TMF1: variants seen among roughly 807,000 people sequenced by gnomAD.
The protein encoded by TMF1 is TATA element modulatory factor.
In TMF1, 71 loss-of-function variants were observed where a neutral mutation model predicts 126.5. The ratio of observed to expected loss-of-function variants is 0.56; its 90% CI spans 0.46 to 0.68. The LOEUF (loss-of-function observed/expected upper bound fraction) is 0.68. Among genes scored for constraint, TMF1 ranks in the 30% least tolerant of loss-of-function variants. The pLI, the probability that TMF1 is intolerant of heterozygous loss-of-function variation, is 0.00. For synonymous variants in TMF1, 461 were observed against 430.5 expected (o/e 1.07, Z -0.88); for missense variants, 1,259 against 1,253.2 (o/e 1.00, Z -0.07).
intron 5 of TMF1, chr3:69,042,468 A>G: frequency 2.1e-6 from 1 of 477,786 alleles, no homozygotes; most frequent in South Asian, 1.6e-5. Flanking sequence ...GTATTCAGAT[A>G]TTACATAAAT....
Position 69,049,218 on chromosome 3 carries a change from T to G in TMF1, c.143-656A>C, listed in dbSNP as rs115614766. The stretch of plus-strand genomic sequence containing the variant: ...AGACCCCTGTCCCTACAAAAAAATT[T>G]TTTTAATTAGCTGGGCCTGGTGGCC... On this transcript the variant is annotated intron_variant, in intron 1 of 16. Transcript: ENST00000398559. 7.4e-4 allele frequency among the ~76,000 whole-genome samples: 112 copies of G among 152,198 alleles called. 2 individuals carry two copies. Among genetic ancestry groups the G allele is most frequent in the African/African-American group, 2.5e-3 (102 of 41,518 alleles).
chr3:69,028,303 AC>A lies in TMF1; in HGVS notation c.2595-9del. ...TCCAATTCAACCTGGTACCTATTAA[AC>A]AAGGCAGAATTTAAAAAAACAGAAA... On this transcript the variant is annotated splice_polypyrimidine_tract_variant and intron_variant, in intron 11 of 16. Coordinates refer to ENST00000398559, the MANE Select transcript of TMF1 (RefSeq NM_007114.3). 1 of 1,597,858 alleles carries A rather than the reference AC, an allele frequency of 6.3e-7. No individual in the cohort carries two copies. Among genetic ancestry groups the A allele is most frequent in the Non-Finnish European group, 8.6e-7 (1 of 1,166,596 alleles).
At chr3:69,040,007 C>G (rs2091854809) in intron 5 of TMF1, among the ~76,000 whole-genome samples, 1 of 152,204 alleles carries the variant, frequency 6.6e-6, no homozygotes, top group Non-Finnish European at 1.5e-5. Flanking sequence ...AATTGTAGTA[C>G]AGCCTGACAA....
rs1322656037 is a variant in TMF1, at chr3:69,020,323, A to G, written c.*2854T>C. ...GTACATTCCACATGCTAAACACTGT[A>G]CAACTGGCAATTCTCAAAAAATAGG... is the stretch of plus-strand genomic sequence containing the variant. On this transcript the variant is annotated 3_prime_UTR_variant, in exon 17 of 17. Transcript: ENST00000398559. 6.6e-6 allele frequency: 1 copy of G among 152,214 alleles called. No individual in the cohort carries two copies. The highest frequency in any genetic ancestry group is 1.5e-5 in the Non-Finnish European group (1 of 68,018). 9.4% of individuals were successfully genotyped at this position (152,214 alleles called of 1,614,324 possible). A position where few individuals can be genotyped will look rare whatever the true frequency, so the allele number is the denominator to read the frequency against.
In TMF1 at chr3:69,047,663, A is replaced by C. The variant is rs1335865056; in HGVS notation, c.1042T>G (p.Leu348Val). The change falls in exon 2 of 17, where the codon TTG becomes GTG. Residue 348 changes from leucine (L) to valine (V), a missense_variant. Transcript: ENST00000398559. ...ACTAAAGCATATCCCTTGCCTGACA[A>C]TTCATCATCTGAATTGATTTCACTT... ...SVSEINSDDE[L>V]SGKGYALVPI... 6.2e-7 allele frequency: 1 copy of C among 1,614,150 alleles called. No individual in the cohort carries two copies. The highest frequency in any genetic ancestry group is 1.3e-5 in the African/African-American group (1 of 75,056).
In TMF1 at chr3:69,027,922, G is replaced by A; in HGVS notation, c.2735C>T (p.Thr912Ile). The change falls in exon 13 of 17, where the codon ACT (threonine) becomes ATT (isoleucine). Residue 912 changes from threonine to isoleucine, a missense_variant. Coordinates refer to ENST00000398559, the MANE Select transcript of TMF1 (RefSeq NM_007114.3). Reference protein sequence around the residue: ...VEQERKKAIFTQETIKEKERK... With the variant: ...VEQERKKAIFIQETIKEKERK... ...TACCTTTTCTTTTATTGTTTCTTGA[G>A]TAAAAATGGCTTTCTTCCTTTCTTG... The A allele has an allele frequency of 1.3e-6, 2 of 1,579,826 alleles. No individual in the cohort carries two copies. Among genetic ancestry groups the A allele is most frequent in the Admixed American group, 1.7e-5 (1 of 58,620 alleles).
intron 1 of TMF1, among the ~76,000 whole-genome samples, chr3:69,050,030 C>T (rs191961774): frequency 3.9e-5 from 6 of 152,036 alleles, no homozygotes; most frequent in Non-Finnish European, 7.4e-5. Context: ...GAGGCCGAGG[C>T]GGGCGGACCA....
Position 69,051,632 on chromosome 3 carries a change from T to C in TMF1, c.142+313A>G, listed in dbSNP as rs112888785. On this transcript the variant is annotated intron_variant, in intron 1 of 16. Transcript: ENST00000398559. Reference sequence around the variant, plus strand: ...AATTCGAGGTTCAGGTTCGGGAAGGTTGTGCTTGGAAGCTGCGTCGAGGGA... The same window carrying C: ...AATTCGAGGTTCAGGTTCGGGAAGGCTGTGCTTGGAAGCTGCGTCGAGGGA... 1.0e-3 allele frequency among the ~76,000 whole-genome samples: 154 copies of C among 151,876 alleles called. 2 individuals carry two copies. Among genetic ancestry groups the C allele is most frequent in the African/African-American group, 3.5e-3 (145 of 41,400 alleles).
chr3:69,032,835 T>A (rs915198367), intron 10 of TMF1, among the ~76,000 whole-genome samples: 3 of 152,038 alleles, frequency 2.0e-5, no homozygotes, highest in African/African-American at 7.2e-5. Context: ...GGTCTTGAAC[T>A]CCTGGCGTCA....
chr3:69,027,438 G>A (rs945017966), intron 13 of TMF1, among the ~76,000 whole-genome samples: 11 of 152,058 alleles, frequency 7.2e-5, no homozygotes, highest in African/African-American at 2.2e-4. Flanking sequence ...AGGGCAAGAG[G>A]TTTTATATTT....
At position 69,051,984 on chromosome 3, in the gene TMF1, G is replaced by C; in HGVS notation, c.103C>G (p.Pro35Ala). The C allele has an allele frequency of 3.7e-6, 6 of 1,613,960 alleles. No individual in the cohort carries two copies. The highest frequency in any genetic ancestry group is 5.1e-6 in the Non-Finnish European group (6 of 1,179,938). Reference protein sequence around the residue: ...DRVLDIQEEEPSIWAETIPYG... With the variant: ...DRVLDIQEEEASIWAETIPYG... ...GGAATGGTCTCGGCCCAGATGCTCG[G>C]CTCCTCTTCCTGGATGTCCAGAACC... Residue 35 changes from proline to alanine, a missense_variant, in exon 1 of 17, where the codon CCG (proline) becomes GCG (alanine). Coordinates refer to ENST00000398559, the MANE Select transcript of TMF1 (RefSeq NM_007114.3).
At chr3:69,048,652 T>C in intron 1 of TMF1, 90 bp from the exon 2 acceptor site, 2 of 1,183,412 alleles carry the variant, frequency 1.7e-6, no homozygotes, top group South Asian at 3.8e-5. Context: ...AATATAAATT[T>C]AGAAAAAATA....
At chr3:69,024,218 A>G (rs1011418590) in intron 15 of TMF1, 38 bp from the exon 16 acceptor site, 45 of 1,535,660 alleles carry the variant, frequency 2.9e-5, no homozygotes, top group Non-Finnish European at 3.9e-5. Context: ...AAATCAAAAC[A>G]TATCTTTTTT....
intron 1 of TMF1, among the ~76,000 whole-genome samples, chr3:69,049,797 T>C (rs1156805463): frequency 1.3e-5 from 2 of 152,204 alleles, no homozygotes; most frequent in Middle Eastern, 3.2e-3. Context: ...AAAAATGGTA[T>C]ATTCGTTAAA....
chr3:69,044,259 T>C (rs543178800), intron 3 of TMF1, among the ~76,000 whole-genome samples: 1 of 152,268 alleles, frequency 6.6e-6, no homozygotes, highest in East Asian at 1.9e-4. Context: ...ACTAAAAGAC[T>C]AAAAACGAAA....
At position 69,039,026 on chromosome 3, in the gene TMF1, C is replaced by T. The variant is rs1048527508; in HGVS notation, c.1828-17G>A. 1.3e-6 allele frequency: 2 copies of T among 1,497,630 alleles called. No homozygotes were observed. Among genetic ancestry groups the T allele is most frequent in the African/African-American group, 1.4e-5 (1 of 70,806 alleles). 92.8% of individuals were successfully genotyped at this position (1,497,630 alleles called of 1,614,324 possible). A position where few individuals can be genotyped will look rare whatever the true frequency, so the allele number is the denominator to read the frequency against. ...ATCAAGGACCTATATGTTATAAAAA[C>T]AGACAAAAGTATTTTTCAAGAAATA... On this transcript the variant is annotated splice_polypyrimidine_tract_variant and intron_variant, in intron 6 of 16. Transcript: ENST00000398559.
At chr3:69,027,515 A>T (rs2091776209) in intron 13 of TMF1, among the ~76,000 whole-genome samples, 1 of 152,150 alleles carries the variant, frequency 6.6e-6, no homozygotes, top group Non-Finnish European at 1.5e-5. Context: ...TCTGAGCAGG[A>T]CACTGATTAT....
At chr3:69,025,332 G>T in intron 15 of TMF1, 1 of 424,938 alleles carries the variant, frequency 2.4e-6, no homozygotes, top group Non-Finnish European at 4.2e-6. Flanking sequence ...TGACAGATCA[G>T]CCGAATATGC....
Position 69,030,059 on chromosome 3 carries a change from A to G in TMF1, c.2402-52T>C, listed in dbSNP as rs776050216. 15 of 1,480,322 alleles carry G rather than the reference A, an allele frequency of 1.0e-5. No individual in the cohort carries two copies. The South Asian group carries it at 1.8e-4, about 18-fold the overall frequency. The allele number at this position is 1,480,322 out of a possible 1,614,324, so 91.7% of individuals were successfully genotyped here. On this transcript the variant is annotated intron_variant, in intron 10 of 16. Coordinates refer to ENST00000398559, the MANE Select transcript of TMF1 (RefSeq NM_007114.3). ...ACATACACATACAGCCCAGAGACCA[A>G]AATACCAAGTCAATTCTGATTTCAA...
Sources: allele counts gnomAD v4.1 joint callset (sites outside exome capture counted in the v4.1 genomes callset), GRCh38; gene constraint gnomAD v4.1.1; transcripts MANE v1.5; gene names NCBI Gene and HGNC (gene_info 2026-07-23, HGNC 2026-07-21).